Variants in ITPR1 observed in about 807,000 individuals in gnomAD.
The protein encoded by ITPR1 is inositol 1,4,5-trisphosphate receptor type 1.
A neutral mutation model predicts 318.4 loss-of-function variants in ITPR1; 96 were observed. The ratio of observed to expected loss-of-function variants is 0.30; its 90% CI spans 0.26 to 0.36. The LOEUF is 0.36. ITPR1 is among the 10% of genes least tolerant of loss of function. The probability of loss-of-function intolerance (pLI) is 1.00; values close to 1 mark genes in which losing one functional copy is unlikely to be tolerated. For missense variants in ITPR1, 2,440 were observed against 3,460.2 expected (o/e 0.71, Z 7.40); for synonymous variants, 1,312 against 1,289.9 (o/e 1.02, Z -0.37).
intron 60 of ITPR1, chr3:4,830,945 AC>A: frequency 2.2e-6 from 1 of 456,434 alleles, no homozygotes; most frequent in East Asian, 6.9e-5. Context: ...GTAAAACTCT[AC>A]CTGAGCAGAC....
intron 55 of ITPR1, among the ~76,000 whole-genome samples, chr3:4,809,132 G>A (rs1240471735): frequency 3.3e-5 from 5 of 152,176 alleles, no homozygotes; most frequent in African/African-American, 1.2e-4. Context: ...TAGTGAGAGT[G>A]GGGTAAAATG....
chr3:4,673,118 C>T lies in ITPR1; in HGVS notation c.2205-18C>T. 3 of 1,607,404 alleles carry T rather than the reference C, an allele frequency of 1.9e-6. No individual in the cohort carries two copies. In the East Asian group the frequency reaches 6.7e-5, roughly 36 times the overall value. ...GATTTCTGGAGCGTGAGCTGTGTGC[C>T]CTTGTTCCTTCCTCTAGATATCAGC... On this transcript the variant is annotated intron_variant, in intron 20 of 61. Coordinates refer to ENST00000649015, the MANE Select transcript of ITPR1 (RefSeq NM_001378452.1).
intron 4 of ITPR1, among the ~76,000 whole-genome samples, chr3:4,545,161 C>A (rs2084846647): frequency 6.6e-6 from 1 of 152,162 alleles, no homozygotes; most frequent in Admixed American, 6.5e-5. Flanking sequence ...TAATTTTCAC[C>A]CTCGAACAGA....
At chr3:4,662,032 T>C (rs542455683) in intron 14 of ITPR1, 50 bp from the exon 15 acceptor site, 2 of 1,530,266 alleles carry the variant, frequency 1.3e-6, no homozygotes, top group East Asian at 4.5e-5. Context: ...ATTAAAGTCT[T>C]ATCCTTCCCA....
intron 10 of ITPR1, 186 bp downstream of exon 10, chr3:4,645,914 G>C: frequency 1.7e-6 from 1 of 576,812 alleles, no homozygotes; most frequent in South Asian, 2.7e-5. Flanking sequence ...TCACAAACAA[G>C]TACTTATACC....
intron 6 of ITPR1, among the ~76,000 whole-genome samples, chr3:4,640,945 G>A (rs752361248): frequency 6.6e-6 from 1 of 152,164 alleles, no homozygotes; most frequent in Non-Finnish European, 1.5e-5. Flanking sequence ...GGAAGACGTT[G>A]CCTTCTCCTT....
intron 44 of ITPR1, among the ~76,000 whole-genome samples, chr3:4,737,477 A>T (rs2043360220): frequency 3.9e-5 from 6 of 152,228 alleles, no homozygotes; most frequent in Admixed American, 3.3e-4. Context: ...GAGAGGGCCC[A>T]GAGGTGTGAG....
intron 44 of ITPR1, among the ~76,000 whole-genome samples, chr3:4,761,324 AATG>A (rs750493388): frequency 2.8e-4 from 42 of 152,030 alleles, no homozygotes; most frequent in Non-Finnish European, 2.9e-4. Flanking sequence ...ATGAGTACCC[AATG>A]TTTATCTCTC....
chr3:4,595,529 G>A (rs9861380), intron 4 of ITPR1, among the ~76,000 whole-genome samples: 119,916 of 152,154 alleles, frequency 0.79, 48,938 homozygotes, highest in Middle Eastern at 0.93. Flanking sequence ...TTGGGTGGAG[G>A]TGCAGATCCA....
intron 60 of ITPR1, among the ~76,000 whole-genome samples, chr3:4,818,905 C>G (rs942410875): frequency 1.9e-4 from 29 of 152,264 alleles, no homozygotes; most frequent in African/African-American, 3.6e-4. Context: ...GCTGTCCTTT[C>G]AGACCTGTGC....
At chr3:4,679,185 T>A (rs184145591) in intron 24 of ITPR1, among the ~76,000 whole-genome samples, 5 of 152,326 alleles carry the variant, frequency 3.3e-5, no homozygotes, top group African/African-American at 1.2e-4. Flanking sequence ...GGCAACTGAC[T>A]GAGGTTGAGG....
At position 4,518,669 on chromosome 3, in the gene ITPR1, C is replaced by T. The variant is rs866243346; in HGVS notation, c.92+2086C>T. On this transcript the variant is annotated intron_variant, in intron 3 of 61. Coordinates refer to ENST00000649015, the MANE Select transcript of ITPR1 (RefSeq NM_001378452.1). ...GATGGTGGTTACCTCCAAATGGCTT[C>T]ATCTACTGGTTGAACTTGAGAACTC... is the stretch of plus-strand genomic sequence containing the variant. Among the ~76,000 whole-genome samples the T allele has an allele frequency of 1.5e-4, 23 of 152,300 alleles. 1 individual carries two copies. The South Asian group carries it at 3.5e-3, about 23-fold the overall frequency.
chr3:4,820,593 G>A (rs1272870918), intron 60 of ITPR1, among the ~76,000 whole-genome samples: 1 of 152,342 alleles, frequency 6.6e-6, no homozygotes, highest in Non-Finnish European at 1.5e-5. Flanking sequence ...GGTGTTTGGT[G>A]TGCTTTCTCC....
chr3:4,600,539 T>A (rs2091195657), intron 4 of ITPR1, among the ~76,000 whole-genome samples: 1 of 152,092 alleles, frequency 6.6e-6, no homozygotes, highest in Non-Finnish European at 1.5e-5. Context: ...TTGAGAAGAA[T>A]TTAAATAGCT....
chr3:4,710,104 G>A lies in ITPR1; in HGVS notation c.4843-221G>A, dbSNP rs886578482. Among the ~76,000 whole-genome samples the A allele has an allele frequency of 1.3e-5, 2 of 152,212 alleles. No individual in the cohort carries two copies. Among genetic ancestry groups the A allele is most frequent in the South Asian group, 2.1e-4 (1 of 4,832 alleles). Reference sequence around the variant, plus strand: ...AAGGGCCACCTTGAAAGAAGGGGTGGTGGGAAAGTTGACTTGTTTTCACTT... The same window carrying A: ...AAGGGCCACCTTGAAAGAAGGGGTGATGGGAAAGTTGACTTGTTTTCACTT... On this transcript the variant is annotated intron_variant, in intron 37 of 61. Transcript: ENST00000649015. The surrounding 1 kb of genome is among the most constrained non-coding windows in gnomAD (Gnocchi z 4.2).
At chr3:4,831,372 C>T (rs1249910491) in intron 60 of ITPR1, 3 of 252,880 alleles carry the variant, frequency 1.2e-5, no homozygotes, top group Non-Finnish European at 2.4e-5. Context: ...GAAGCACTTG[C>T]TGTGACGGGA....
At chr3:4,813,006 G>A (rs938063896) in intron 56 of ITPR1, 136 bp from the exon 57 acceptor site, 1 of 707,340 alleles carries the variant, frequency 1.4e-6, no homozygotes, top group South Asian at 1.7e-5. Context: ...TTGCATTTCT[G>A]CTTTGAATTT....
At chr3:4,665,322 T>C (rs777655399) in intron 17 of ITPR1, 26 bp downstream of exon 17, 70 of 1,585,104 alleles carry the variant, frequency 4.4e-5, no homozygotes, top group Non-Finnish European at 5.9e-5. Context: ...TGGTGGGATG[T>C]GGTTGTCAGT....
rs886058580 is a variant in ITPR1 at position 4,645,692 on chromosome 3, A to G, written c.819A>G (p.Thr273=). The G allele has an allele frequency of 2.5e-6, 4 of 1,613,484 alleles. No homozygotes were observed. The highest frequency in any genetic ancestry group is 3.4e-6 in the Non-Finnish European group (4 of 1,179,810). The part of the protein sequence containing the change: ...FLRTTGRQSA[T]SATSSKALWE... ...GAACCACGGGCCGGCAGTCGGCCAC[A>G]TCTGCCACCAGTTCAAAAGCCCTGT... The change falls in exon 10 of 62, where the codon ACA becomes ACG. Residue 273 remains threonine (T), a synonymous_variant. Transcript: ENST00000649015.
Sources: allele counts gnomAD v4.1 joint callset (sites outside exome capture counted in the v4.1 genomes callset), GRCh38; gene constraint gnomAD v4.1.1; non-coding constraint Gnocchi (gnomAD v3.1); transcripts MANE v1.5; gene names NCBI Gene and HGNC (gene_info 2026-07-23, HGNC 2026-07-21).